Variants in RCOR3 observed in about 807,000 individuals in gnomAD.
The protein encoded by RCOR3 is REST corepressor 3.
RCOR3 carries 13 observed loss-of-function variants against 64.1 expected under a neutral mutation model. The observed-to-expected ratio is 0.20, with a 90% confidence interval of 0.13 to 0.32. The LOEUF (loss-of-function observed/expected upper bound fraction) is 0.32. Ranked by LOEUF, RCOR3 falls within the 10% of genes least tolerant of loss-of-function variation. RCOR3 has a pLI of 1.00. For synonymous variants in RCOR3, 215 were observed against 239.0 expected, an observed-to-expected ratio of 0.90 and a Z score of 0.93; for missense variants, 489 against 701.2, an observed-to-expected ratio of 0.70 and a Z score of 3.42.
chr1:211,289,615 G>A (rs1457337923), intron 8 of RCOR3, among the ~76,000 whole-genome samples: 3 of 152,054 alleles, frequency 2.0e-5, no homozygotes, highest in African/African-American at 4.8e-5. Context: ...TGTGGTCTTG[G>A]GCAAATTAAC....
intron 2 of RCOR3, among the ~76,000 whole-genome samples, chr1:211,266,579 TG>T (rs1366708786): frequency 6.6e-6 from 1 of 152,232 alleles, no homozygotes; most frequent in Non-Finnish European, 1.5e-5. Context: ...GGTTTTGGTT[TG>T]TTTTTTAATC....
rs77731153 is a variant in RCOR3, at chr1:211,259,566, C to G, written c.6C>G (p.Pro2=). The G allele has an allele frequency of 6.5e-7, 1 of 1,548,032 alleles. No individual in the cohort carries two copies. The highest frequency in any genetic ancestry group is 1.4e-5 in the African/African-American group (1 of 72,426). The change falls in exon 1 of 12, where the codon CCC becomes CCG. Residue 2 remains proline (P), a synonymous_variant. Coordinates refer to ENST00000419091, the MANE Select transcript of RCOR3 (RefSeq NM_001136223.3). The part of the protein sequence containing the change: M[P]GMMEKGPELL... ...TCCCCCTCCCCTGTTCTACCATGCC[C>G]GGCATGATGGAGAAAGGGCCCGAGT...
chr1:211,311,832 AT>A (rs1305148657), intron 10 of RCOR3, among the ~76,000 whole-genome samples: 1 of 152,172 alleles, frequency 6.6e-6, no homozygotes, highest in Non-Finnish European at 1.5e-5. Flanking sequence ...AGAGGAAATT[AT>A]TATCTATTTA....
intron 2 of RCOR3, among the ~76,000 whole-genome samples, chr1:211,261,617 T>G (rs1387159635): frequency 1.3e-5 from 2 of 152,192 alleles, no homozygotes; most frequent in Non-Finnish European, 2.9e-5. Flanking sequence ...AGAGCACATT[T>G]TGGCTTTAAG....
In RCOR3 at chr1:211,313,825, A is replaced by C; in HGVS notation, c.*57A>C. On this transcript the variant is annotated 3_prime_UTR_variant, in exon 12 of 12. Transcript: ENST00000419091. The surrounding 1 kb of genome is among the most constrained non-coding windows in gnomAD (Gnocchi z 4.7). ...TCACCCCATCATTATACCAGTGCTCATCTGACTGATGAAAAAGAGGAAAGA... is the reference window on the plus strand; with the variant it reads ...TCACCCCATCATTATACCAGTGCTCCTCTGACTGATGAAAAAGAGGAAAGA... 1 of 1,401,392 alleles carries C rather than the reference A, an allele frequency of 7.1e-7. No homozygotes were observed. Among genetic ancestry groups the C allele is most frequent in the South Asian group, 1.3e-5 (1 of 79,706 alleles). 86.8% of individuals were successfully genotyped at this position (1,401,392 alleles called of 1,614,324 possible).
At chr1:211,289,495 C>A in intron 8 of RCOR3, 99 bp downstream of exon 8, 2 of 920,162 alleles carry the variant, frequency 2.2e-6, no homozygotes, top group Non-Finnish European at 3.3e-6. Context: ...AGATTTTTCT[C>A]AGCCATCCAC....
chr1:211,262,033 C>CTTTTTTTTTTTTTTTT lies in RCOR3; in HGVS notation c.223+1876_223+1891dup, dbSNP rs1196587722. Among the ~76,000 whole-genome samples, 6 of 65,512 alleles carry CTTTTTTTTTTTTTTTT rather than the reference C, an allele frequency of 9.2e-5. 2 individuals are homozygous for CTTTTTTTTTTTTTTTT. Among genetic ancestry groups the CTTTTTTTTTTTTTTTT allele is most frequent in the African/African-American group, 2.5e-4 (4 of 16,172 alleles). The allele number at this position is 65,512 out of a possible 152,430, so 43.0% of individuals were successfully genotyped here. A position where few individuals can be genotyped will look rare whatever the true frequency, so the allele number is the denominator to read the frequency against. On this transcript the variant is annotated intron_variant, in intron 2 of 11. Transcript: ENST00000419091. ...GCCTCAGTATTCCTAGCTATAAAAACTTTTTTTTTTTTTTTTTTTTTTGAG... is the reference window on the plus strand; with the variant it reads ...GCCTCAGTATTCCTAGCTATAAAAACTTTTTTTTTTTTTTTTTTTTTTTTTTTTTTTTTTTTTTGAG...
At chr1:211,269,840 A>G (rs115307896) in intron 2 of RCOR3, among the ~76,000 whole-genome samples, 4 of 151,950 alleles carry the variant, frequency 2.6e-5, no homozygotes, top group Admixed American at 6.6e-5. Context: ...TTAGAAATAA[A>G]TTAGAGGCTA....
chr1:211,307,490 A>ATTTAAAAAG (rs1553263688), intron 10 of RCOR3, among the ~76,000 whole-genome samples: 1 of 150,704 alleles, frequency 6.6e-6, no homozygotes, highest in Admixed American at 6.6e-5. Flanking sequence ...CAAAAAAAAA[A>ATTTAAAAAG]GAATTTAAAA....
chr1:211,289,088 G>A, intron 7 of RCOR3, 90 bp from the exon 8 acceptor site: 3 of 949,928 alleles, frequency 3.2e-6, no homozygotes, highest in Non-Finnish European at 5.0e-6. Context: ...TGTACTTATT[G>A]CAGCAGATAC....
intron 8 of RCOR3, among the ~76,000 whole-genome samples, chr1:211,292,159 T>C (rs1328583418): frequency 6.6e-6 from 1 of 152,228 alleles, no homozygotes; most frequent in African/African-American, 2.4e-5. Flanking sequence ...CAGTAATGTT[T>C]GACACTGTCA....
In RCOR3 at chr1:211,316,245, G is replaced by A. The variant is rs1701857966; in HGVS notation, c.*2477G>A. ...TGTGGATACATCTTATAAAACTAAT[G>A]GAAACAATGTTTTTCTATATGATTT... On this transcript the variant is annotated 3_prime_UTR_variant, in exon 12 of 12. Coordinates refer to ENST00000419091, the MANE Select transcript of RCOR3 (RefSeq NM_001136223.3). 1 of 152,062 alleles carries A rather than the reference G, an allele frequency of 6.6e-6. No homozygotes were observed. Among genetic ancestry groups the A allele is most frequent in the African/African-American group, 2.4e-5 (1 of 41,396 alleles). The allele number at this position is 152,062 out of a possible 1,614,324, so 9.4% of individuals were successfully genotyped here.
At chr1:211,262,464 A>C (rs543052188) in intron 2 of RCOR3, among the ~76,000 whole-genome samples, 1 of 151,742 alleles carries the variant, frequency 6.6e-6, no homozygotes, top group African/African-American at 2.4e-5. Context: ...TGGAGCTTTC[A>C]TTGGGAGTCT....
chr1:211,313,530 T>G lies in RCOR3; in HGVS notation c.1424T>G (p.Leu475Arg). ...PIATLNQPPP[L>R]LRPTLPAAPA... ...GCCACTCTGAACCAGCCTCCACCAC[T>G]TCTTCGTCCAACACTGCCTGCTGCC... is the stretch of plus-strand genomic sequence containing the variant. Residue 475 changes from leucine (L) to arginine (R), a missense_variant, in exon 12 of 12, where the codon CTT becomes CGT. By Grantham distance (102) the Leu-to-Arg change is moderately radical. Transcript: ENST00000419091. This position sits in a 1 kb window ranked among gnomAD's most constrained non-coding sequence, Gnocchi z 4.7. 1 of 1,614,128 alleles carries G rather than the reference T, an allele frequency of 6.2e-7. No individual in the cohort carries two copies. Among genetic ancestry groups the G allele is most frequent in the Non-Finnish European group, 8.5e-7 (1 of 1,180,028 alleles).
chr1:211,272,645 G>A lies in RCOR3; in HGVS notation c.301+1336G>A, dbSNP rs571976744. On this transcript the variant is annotated intron_variant, in intron 3 of 11. Coordinates refer to ENST00000419091, the MANE Select transcript of RCOR3 (RefSeq NM_001136223.3). Reference sequence around the variant, plus strand: ...TTTTTTTTTTTTTTTTTTTTGAGACGGAGTCTCGCTCTGTCGCCCAGGCTG... The same window carrying A: ...TTTTTTTTTTTTTTTTTTTTGAGACAGAGTCTCGCTCTGTCGCCCAGGCTG... Among the ~76,000 whole-genome samples, 34 of 30,620 alleles carry A rather than the reference G, an allele frequency of 1.1e-3. 1 individual carries two copies. The South Asian group carries it at 0.044, about 40-fold the overall frequency. The allele number at this position is 30,620 out of a possible 152,430, so 20.1% of individuals were successfully genotyped here. A position where few individuals can be genotyped will look rare whatever the true frequency, so the allele number is the denominator to read the frequency against.
At chr1:211,276,529 A>G in intron 5 of RCOR3, 111 bp downstream of exon 5, 2 of 1,027,278 alleles carry the variant, frequency 1.9e-6, no homozygotes, top group South Asian at 1.8e-5. Flanking sequence ...AATTTTAAAA[A>G]CTATTTGTAA....
chr1:211,305,022 A>G (rs1246088291), intron 10 of RCOR3, among the ~76,000 whole-genome samples: 2 of 152,176 alleles, frequency 1.3e-5, no homozygotes, highest in East Asian at 3.8e-4. Context: ...GGCCCCAATG[A>G]AACATATAAG....
Position 211,315,838 on chromosome 1 carries a change from GA to G in RCOR3, c.*2075del, listed in dbSNP as rs1701837274. The stretch of plus-strand genomic sequence containing the variant: ...TTTACATGCATTAGAGCACACAGTA[GA>G]AAAACTTTAGCTTCATTAGTAATAT... On this transcript the variant is annotated 3_prime_UTR_variant, in exon 12 of 12. Coordinates refer to ENST00000419091, the MANE Select transcript of RCOR3 (RefSeq NM_001136223.3). 6.6e-6 allele frequency: 1 copy of G among 152,188 alleles called. No individual in the cohort carries two copies. Among genetic ancestry groups the G allele is most frequent in the African/African-American group, 2.4e-5 (1 of 41,452 alleles). 9.4% of individuals were successfully genotyped at this position (152,188 alleles called of 1,614,324 possible).
At chr1:211,308,770 G>A (rs200188232) in intron 10 of RCOR3, among the ~76,000 whole-genome samples, 1 of 37,584 alleles carries the variant, frequency 2.7e-5, no homozygotes, top group South Asian at 9.9e-4. Flanking sequence ...GGAGCACAGT[G>A]TCAGTATCTC....
Sources: gnomAD v4.1 joint callset for allele counts (sites outside exome capture counted in the v4.1 genomes callset) on GRCh38, gnomAD v4.1.1 for gene constraint, Gnocchi (gnomAD v3.1) non-coding constraint, MANE v1.5 for transcripts, NCBI Gene and HGNC (gene_info 2026-07-23, HGNC 2026-07-21) for gene names.